TMEFF2: variants seen among roughly 807,000 people sequenced by gnomAD.
The protein encoded by TMEFF2 is tomoregulin-2.
TMEFF2 carries 28 observed loss-of-function variants against 53.8 expected under a neutral mutation model. That is an observed-to-expected ratio of 0.52 (90% CI 0.39 to 0.71). The LOEUF (loss-of-function observed/expected upper bound fraction) is 0.71, where lower values mean the gene tolerates loss of function less well. Ranked by LOEUF, TMEFF2 falls within the 30% of genes least tolerant of loss-of-function variation. The pLI is 0.00. For missense variants in TMEFF2, 353 were observed against 455.2 expected (o/e 0.78, Z 2.04); for synonymous variants, 162 against 166.3 (o/e 0.97, Z 0.20).
intron 4 of TMEFF2, among the ~76,000 whole-genome samples, chr2:192,068,973 G>GTT (rs543757728): frequency 6.6e-4 from 95 of 143,432 alleles, no homozygotes; most frequent in African/African-American, 2.2e-3. Context: ...CCCAGTTCCT[G>GTT]TTTTTTTTTT....
At chr2:192,142,531 T>C (rs778659901) in intron 4 of TMEFF2, among the ~76,000 whole-genome samples, 1 of 152,114 alleles carries the variant, frequency 6.6e-6, no homozygotes, top group Admixed American at 6.6e-5. Context: ...ATTATGGAAT[T>C]ACGGAATCCC....
At chr2:191,968,751 T>C (rs953170520) in intron 7 of TMEFF2, among the ~76,000 whole-genome samples, 1 of 152,190 alleles carries the variant, frequency 6.6e-6, no homozygotes, top group Admixed American at 6.5e-5. Flanking sequence ...TATGTAGTGC[T>C]TCTAGACTCA....
At chr2:192,187,613 A>G (rs953456268) in intron 2 of TMEFF2, among the ~76,000 whole-genome samples, 6 of 152,206 alleles carry the variant, frequency 3.9e-5, no homozygotes, top group African/African-American at 1.4e-4. Context: ...GCCTGGTAAG[A>G]GGAAAAACAA....
intron 4 of TMEFF2, among the ~76,000 whole-genome samples, chr2:192,158,430 A>G (rs1342118588): frequency 6.6e-6 from 1 of 152,168 alleles, no homozygotes; most frequent in Admixed American, 6.6e-5. Flanking sequence ...AGTAATGTTC[A>G]TTACTTGGCA....
At chr2:192,131,803 G>A (rs1258762575) in intron 4 of TMEFF2, among the ~76,000 whole-genome samples, 2 of 151,940 alleles carry the variant, frequency 1.3e-5, no homozygotes, top group African/African-American at 4.8e-5. Flanking sequence ...TTATTTTCTT[G>A]TGCAATGCCG....
At chr2:192,078,732 G>A (rs535061771) in intron 4 of TMEFF2, among the ~76,000 whole-genome samples, 8 of 152,050 alleles carry the variant, frequency 5.3e-5, no homozygotes, top group Non-Finnish European at 1.0e-4. Flanking sequence ...TCACAAATTT[G>A]ACAACAAATT....
chr2:192,055,533 GGGA>G (rs1478801069), intron 5 of TMEFF2, among the ~76,000 whole-genome samples: 1 of 152,038 alleles, frequency 6.6e-6, no homozygotes, highest in Non-Finnish European at 1.5e-5. Flanking sequence ...CCAGCACTTT[GGGA>G]GGCCGAGGCG....
At chr2:192,036,010 CA>C (rs1687283308) in intron 5 of TMEFF2, 1 of 152,236 alleles carries the variant, frequency 6.6e-6, no homozygotes, top group South Asian at 2.1e-4. Flanking sequence ...TCATGTGGAT[CA>C]AATGACACAG....
chr2:192,180,290 T>C (rs1691153788), intron 3 of TMEFF2, among the ~76,000 whole-genome samples: 1 of 151,640 alleles, frequency 6.6e-6, no homozygotes. Flanking sequence ...AGATATTCAC[T>C]AAATGATTCT....
intron 4 of TMEFF2, among the ~76,000 whole-genome samples, chr2:192,087,650 G>A (rs1041665896): frequency 6.6e-5 from 10 of 152,110 alleles, no homozygotes; most frequent in Non-Finnish European, 1.3e-4. Context: ...GAGCTGATCC[G>A]TTATAACTAG....
At chr2:192,084,454 T>TA (rs142549853) in intron 4 of TMEFF2, among the ~76,000 whole-genome samples, 5,122 of 151,802 alleles carry the variant, frequency 0.034, 267 homozygotes, top group African/African-American at 0.12. Context: ...AGCATCCATG[T>TA]AAAAAAAAGG....
At chr2:192,037,141 CTCTT>C (rs1455218126) in intron 5 of TMEFF2, 3 of 151,966 alleles carry the variant, frequency 2.0e-5, no homozygotes, top group Non-Finnish European at 4.4e-5. Flanking sequence ...ACTCTAATCT[CTCTT>C]TTGGGGACCA....
intron 4 of TMEFF2, among the ~76,000 whole-genome samples, chr2:192,132,204 C>T (rs1689855439): frequency 6.6e-6 from 1 of 152,090 alleles, no homozygotes; most frequent in African/African-American, 2.4e-5. Context: ...GTCTGGCTTA[C>T]AGTTTCGTTC....
intron 7 of TMEFF2, among the ~76,000 whole-genome samples, chr2:191,968,660 T>C (rs1289973696): frequency 3.9e-5 from 6 of 152,144 alleles, no homozygotes; most frequent in Non-Finnish European, 5.9e-5. Flanking sequence ...AACCAAATTA[T>C]ATTGGTTTCT....
intron 5 of TMEFF2, among the ~76,000 whole-genome samples, chr2:192,004,855 T>G (rs1222770094): frequency 6.6e-6 from 1 of 152,210 alleles, no homozygotes; most frequent in Non-Finnish European, 1.5e-5. Context: ...TAGTTAATTA[T>G]AGCATGTCAC....
chr2:192,049,911 G>T (rs1687725385), intron 5 of TMEFF2, among the ~76,000 whole-genome samples: 1 of 152,160 alleles, frequency 6.6e-6, no homozygotes, highest in African/African-American at 2.4e-5. Context: ...TGAGGCAGGG[G>T]AATGGTGTGA....
intron 5 of TMEFF2, among the ~76,000 whole-genome samples, chr2:192,056,211 C>T (rs1198612599): frequency 1.3e-5 from 2 of 151,658 alleles, no homozygotes; most frequent in Non-Finnish European, 2.9e-5. Context: ...CTACATACTG[C>T]AGAAAATAAA....
intron 9 of TMEFF2, among the ~76,000 whole-genome samples, chr2:191,952,902 T>C (rs1691930627): frequency 6.6e-6 from 1 of 152,306 alleles, no homozygotes; most frequent in East Asian, 1.9e-4. Flanking sequence ...CCTTGGAACT[T>C]TTTATAGAAG....
intron 4 of TMEFF2, among the ~76,000 whole-genome samples, chr2:192,109,183 C>A (rs1158063475): frequency 6.6e-6 from 1 of 151,972 alleles, no homozygotes; most frequent in Non-Finnish European, 1.5e-5. Flanking sequence ...ATGTCATACG[C>A]ATTTGTCCCC....
Sources: allele counts gnomAD v4.1 joint callset (sites outside exome capture counted in the v4.1 genomes callset), GRCh38; gene constraint gnomAD v4.1.1; transcripts MANE v1.5; gene names NCBI Gene and HGNC (gene_info 2026-07-23, HGNC 2026-07-21).